CSF3R: variants seen among roughly 807,000 people sequenced by gnomAD.
The protein encoded by CSF3R is granulocyte colony-stimulating factor receptor.
A neutral mutation model predicts 84.4 loss-of-function variants in CSF3R; 52 were observed. That is an observed-to-expected ratio of 0.62 (90% confidence interval 0.49 to 0.78). The LOEUF is 0.78. Among genes scored for constraint, CSF3R ranks in the 30% least tolerant of loss-of-function variants. CSF3R has a pLI of 0.00. For synonymous variants in CSF3R, 384 were observed against 429.1 expected (o/e 0.89, Z 1.30); for missense variants, 890 against 1,055.7 (o/e 0.84, Z 2.17).
intron 13 of CSF3R, 52 bp from the exon 14 acceptor site, chr1:36,468,014 G>C (rs1650450187): frequency 8.1e-6 from 13 of 1,614,228 alleles, no homozygotes; most frequent in Non-Finnish European, 1.1e-5. Context: ...CTGCCTCCGT[G>C]GCAGCTGAGC....
chr1:36,473,423 T>C lies in CSF3R; in HGVS notation c.673+12A>G, dbSNP rs1204008195. On this transcript the variant is annotated intron_variant, in intron 6 of 16. Transcript: ENST00000373106. ...CATTTTGGGGATCCCCTCCCTCCCCTGCATCACCCACCAACATCCATGGGA... is the reference window on the plus strand; with the variant it reads ...CATTTTGGGGATCCCCTCCCTCCCCCGCATCACCCACCAACATCCATGGGA... 8.7e-6 allele frequency: 14 copies of C among 1,613,134 alleles called. No individual in the cohort carries two copies. Among genetic ancestry groups the C allele is most frequent in the Non-Finnish European group, 1.2e-5 (14 of 1,179,698 alleles).
At position 36,467,625 on chromosome 1, in the gene CSF3R, C is replaced by T; in HGVS notation, c.1891G>A (p.Gly631Ser). Residue 631 changes from glycine to serine, a missense_variant, in exon 15 of 17, where the codon GGC (glycine) becomes AGC (serine). Coordinates refer to ENST00000373106, the MANE Select transcript of CSF3R (RefSeq NM_000760.4). The surrounding 1 kb of genome is among the most constrained non-coding windows in gnomAD (Gnocchi z 4.1). Reference sequence around the variant, plus strand: ...AGCAACAGCAGGAGGCCGAACAGGCCCAGGATGATGTGTAGCTCCGACCCC... The same window carrying T: ...AGCAACAGCAGGAGGCCGAACAGGCTCAGGATGATGTGTAGCTCCGACCCC... ...PEGSELHIIL[G>S]LFGLLLLLTC... 6.2e-7 allele frequency: 1 copy of T among 1,614,092 alleles called. No homozygotes were observed. The highest frequency in any genetic ancestry group is 8.5e-7 in the Non-Finnish European group (1 of 1,180,010).
At position 36,479,438 on chromosome 1, in the gene CSF3R, G is replaced by A; in HGVS notation, c.59C>T (p.Pro20Leu). 2 of 1,614,148 alleles carry A rather than the reference G, an allele frequency of 1.2e-6. No individual in the cohort carries two copies. Among genetic ancestry groups the A allele is most frequent in the South Asian group, 1.1e-5 (1 of 91,074 alleles). The stretch of plus-strand genomic sequence containing the variant: ...TCATCCTTGGCCATACTCACTTCCG[G>A]GGAGCAGCAGGATGATCAGGGCAGC... ...TWAALIILLL[P>L]GSLEECGHIS... Residue 20 changes from proline to leucine, a missense_variant, in exon 3 of 17, where the codon CCC (proline) becomes CTC (leucine). Physicochemically the swap from Pro to Leu is moderately conservative, Grantham distance 98. Coordinates refer to ENST00000373106, the MANE Select transcript of CSF3R (RefSeq NM_000760.4).
At chr1:36,482,212 C>G (rs3917915) in intron 1 of CSF3R, among the ~76,000 whole-genome samples, 1 of 150,796 alleles carries the variant, frequency 6.6e-6, no homozygotes, top group African/African-American at 2.5e-5. Context: ...CAGACTGAAA[C>G]GACAGAGAGA....
At position 36,466,095 on chromosome 1, in the gene CSF3R, T is replaced by C. The variant is rs1444346065; in HGVS notation, c.*262A>G. On this transcript the variant is annotated 3_prime_UTR_variant, in exon 17 of 17. Transcript: ENST00000373106. This position sits in a 1 kb window ranked among gnomAD's most constrained non-coding sequence, Gnocchi z 4.6. Reference sequence around the variant, plus strand: ...ACAAAAACTGCAAACCAAAAACTAGTTTACAATACTGAAGTTATAGGAAAC... The same window carrying C: ...ACAAAAACTGCAAACCAAAAACTAGCTTACAATACTGAAGTTATAGGAAAC... The C allele has an allele frequency of 6.2e-7, 1 of 1,613,820 alleles. No individual in the cohort carries two copies. Among genetic ancestry groups the C allele is most frequent in the African/African-American group, 1.3e-5 (1 of 74,830 alleles).
chr1:36,466,235 A>T lies in CSF3R; in HGVS notation c.*122T>A. The T allele has an allele frequency of 6.2e-7, 1 of 1,614,074 alleles. No homozygotes were observed. ...TTGGGAGGAGAGGGAGATGCTGGTG[A>T]CTGGAGATGGTGAGAGCCTGGGCTG... On this transcript the variant is annotated 3_prime_UTR_variant, in exon 17 of 17. Transcript: ENST00000373106. The surrounding 1 kb of genome is among the most constrained non-coding windows in gnomAD (Gnocchi z 4.6).
chr1:36,471,466 G>A lies in CSF3R; in HGVS notation c.1252C>T (p.Arg418Cys), dbSNP rs767670169. The A allele has an allele frequency of 5.6e-6, 9 of 1,614,192 alleles. No individual in the cohort carries two copies. The highest frequency in any genetic ancestry group is 1.3e-5 in the African/African-American group (1 of 75,060). The change falls in exon 10 of 17, where the codon CGT becomes TGT. Residue 418 changes from arginine to cysteine, a missense_variant. Transcript: ENST00000373106. ...TCTGAGAAGACCACCGGAGTGGGAC[G>A]AGAGGTCCCGGCTGAGTTATAGGCC... ...LVAYNSAGTSRPTPVVFSESR... is the reference protein window; with the variant it reads ...LVAYNSAGTSCPTPVVFSESR...
Position 36,466,402 on chromosome 1 carries a change from C to A in CSF3R, c.2466G>T (p.Leu822=). Reference sequence around the variant, plus strand: ...CCATCCCATGGACCCGGATCCCCTGCAGGAGGGGGAAGTTGAGCAGTGGCC... The same window carrying A: ...CCATCCCATGGACCCGGATCCCCTGAAGGAGGGGGAAGTTGAGCAGTGGCC... ...VFGPLLNFPL[L]QGIRVHGMEA... Residue 822 remains leucine, a synonymous_variant, in exon 17 of 17, where the codon CTG becomes CTT. Coordinates refer to ENST00000373106, the MANE Select transcript of CSF3R (RefSeq NM_000760.4). The surrounding 1 kb of genome is among the most constrained non-coding windows in gnomAD (Gnocchi z 4.6). 6.2e-7 allele frequency: 1 copy of A among 1,613,626 alleles called. No homozygotes were observed. The highest frequency in any genetic ancestry group is 8.5e-7 in the Non-Finnish European group (1 of 1,179,992).
chr1:36,473,011 G>C (rs967606906), intron 6 of CSF3R: 10 of 418,224 alleles, frequency 2.4e-5, no homozygotes, highest in African/African-American at 1.8e-4. Flanking sequence ...AAAATAGCCA[G>C]TGCTCCCCTT....
At position 36,472,298 on chromosome 1, in the gene CSF3R, G is replaced by C; in HGVS notation, c.937C>G (p.Pro313Ala). The change falls in exon 8 of 17, where the codon CCC becomes GCC. Residue 313 changes from proline (P) to alanine (A), a missense_variant. Coordinates refer to ENST00000373106, the MANE Select transcript of CSF3R (RefSeq NM_000760.4). This position sits in a 1 kb window ranked among gnomAD's most constrained non-coding sequence, Gnocchi z 5.0. ...CAGTCGCTCCAGTGGCCAGGCAGGG[G>C]CCAGCGGATGCAGCGTATCTGCAGG... ...YTLQIRCIRW[P>A]LPGHWSDWSP... The C allele has an allele frequency of 6.2e-7, 1 of 1,614,200 alleles. No homozygotes were observed. Among genetic ancestry groups the C allele is most frequent in the Non-Finnish European group, 8.5e-7 (1 of 1,180,024 alleles).
At chr1:36,480,921 G>C (rs184869546) in intron 2 of CSF3R, among the ~76,000 whole-genome samples, 47 of 152,288 alleles carry the variant, frequency 3.1e-4, no homozygotes, top group South Asian at 2.9e-3. Context: ...ACTAGGACCT[G>C]GCAACTAGGG....
intron 6 of CSF3R, 70 bp downstream of exon 6, chr1:36,473,363 CTG>C: frequency 6.4e-7 from 1 of 1,552,792 alleles, no homozygotes. Context: ...GTCGCTAGTT[CTG>C]TGTTTCCCTC....
chr1:36,471,795 C>A (rs766239316), intron 9 of CSF3R, 149 bp from the exon 10 acceptor site: 2 of 801,858 alleles, frequency 2.5e-6, no homozygotes, highest in Non-Finnish European at 4.0e-6. Context: ...TCCCTCTGTT[C>A]CCTTGTGCTA....
chr1:36,473,204 G>A (rs1557594535), intron 6 of CSF3R: 1 of 587,950 alleles, frequency 1.7e-6, no homozygotes, highest in South Asian at 2.1e-5. Flanking sequence ...GAAACACGCT[G>A]AAAGCATGAC....
rs1185071141 is a variant in CSF3R, at chr1:36,467,140, A to T, written c.2040+90T>A. 1 of 1,427,904 alleles carries T rather than the reference A, an allele frequency of 7.0e-7. No homozygotes were observed. The highest frequency in any genetic ancestry group is 2.3e-5 in the East Asian group (1 of 43,958). 88.5% of individuals were successfully genotyped at this position (1,427,904 alleles called of 1,614,324 possible). On this transcript the variant is annotated intron_variant, in intron 16 of 16. Transcript: ENST00000373106. This position sits in a 1 kb window ranked among gnomAD's most constrained non-coding sequence, Gnocchi z 4.1. ...CGAGATGTTGCCGGAAGTGACAGGA[A>T]GGCCTGAGTACTTGGCTTCAGAAGG...
At chr1:36,474,330 A>G (rs1650980377) in intron 4 of CSF3R, among the ~76,000 whole-genome samples, 1 of 151,722 alleles carries the variant, frequency 6.6e-6, no homozygotes, top group Non-Finnish European at 1.5e-5. Context: ...TGAAGTGCTC[A>G]GAACAGTGCC....
Position 36,473,820 on chromosome 1 carries a change from C to T in CSF3R, c.429G>A (p.Gln143=), listed in dbSNP as rs766974881. The T allele has an allele frequency of 3.1e-6, 5 of 1,614,140 alleles. No homozygotes were observed. The Admixed American group carries it at 8.3e-5, about 27-fold the overall frequency. ...GGTGGGTCTCAGGTCCTGGCTCCCACTGGCAGATGAGGCTGCTGGTTGTGA... is the reference window on the plus strand; with the variant it reads ...GGTGGGTCTCAGGTCCTGGCTCCCATTGGCAGATGAGGCTGCTGGTTGTGA... ...MNLTTSSLIC[Q]WEPGPETHLP... is the part of the protein sequence containing the mutation. The change falls in exon 5 of 17, where the codon CAG becomes CAA. Residue 143 remains glutamine (Q), a synonymous_variant. Transcript: ENST00000373106.
In CSF3R at chr1:36,467,649, C is replaced by T. The variant is rs1437330772; in HGVS notation, c.1867G>A (p.Gly623Arg). The change falls in exon 15 of 17, where the codon GGG (glycine) becomes AGG (arginine). Residue 623 changes from glycine (G) to arginine (R), a missense_variant and splice_region_variant. Coordinates refer to ENST00000373106, the MANE Select transcript of CSF3R (RefSeq NM_000760.4). This position sits in a 1 kb window ranked among gnomAD's most constrained non-coding sequence, Gnocchi z 4.1. The part of the protein sequence containing the change: ...VLTLMTLTPE[G>R]SELHIILGLF... ...CCCAGGATGATGTGTAGCTCCGACCCCTCTGCAGTGAGGGCAGGGCCGGAA... is the reference window on the plus strand; with the variant it reads ...CCCAGGATGATGTGTAGCTCCGACCTCTCTGCAGTGAGGGCAGGGCCGGAA... 1 of 1,614,036 alleles carries T rather than the reference C, an allele frequency of 6.2e-7. No individual in the cohort carries two copies. Among genetic ancestry groups the T allele is most frequent in the South Asian group, 1.1e-5 (1 of 91,074 alleles).
chr1:36,467,449 T>C lies in CSF3R; in HGVS notation c.1958+109A>G, dbSNP rs1650398966. 7 of 1,415,532 alleles carry C rather than the reference T, an allele frequency of 4.9e-6. No homozygotes were observed. In the South Asian group the frequency reaches 5.8e-5, roughly 12 times the overall value. 87.7% of individuals were successfully genotyped at this position (1,415,532 alleles called of 1,614,324 possible). ...AGCTGGGGGCTGGGACTCTCAGACA[T>C]GGGCCCCAAAGTTTGGGAAGGCTGG... On this transcript the variant is annotated intron_variant, in intron 15 of 16. Transcript: ENST00000373106. This position sits in a 1 kb window ranked among gnomAD's most constrained non-coding sequence, Gnocchi z 4.1.
Sources: allele counts gnomAD v4.1 joint callset (sites outside exome capture counted in the v4.1 genomes callset), GRCh38; gene constraint gnomAD v4.1.1; non-coding constraint Gnocchi (gnomAD v3.1); transcripts MANE v1.5; gene names NCBI Gene and HGNC (gene_info 2026-07-23, HGNC 2026-07-21).